Variants in LEKR1 observed in about 807,000 individuals in gnomAD.
LEKR1 encodes leucine, glutamate and lysine rich 1, also known as protein LEKR1.
Under a neutral mutation model 72.4 loss-of-function variants are expected in LEKR1, and 59 were observed. That is an observed-to-expected ratio of 0.82 (90% CI 0.66 to 1.01). The LOEUF (loss-of-function observed/expected upper bound fraction) is 1.01. Among genes scored for constraint, LEKR1 ranks in the 50% least tolerant of loss-of-function variants. The probability of loss-of-function intolerance (pLI) is 0.00; values close to 1 mark genes in which losing one functional copy is unlikely to be tolerated. For synonymous variants in LEKR1, 257 were observed against 263.2 expected (o/e 0.98, Z 0.23); for missense variants, 728 against 759.2 (o/e 0.96, Z 0.48).
intron 9 of LEKR1, among the ~76,000 whole-genome samples, chr3:156,997,407 A>C (rs1243059342): frequency 6.6e-6 from 1 of 152,222 alleles, no homozygotes; most frequent in Non-Finnish European, 1.5e-5. Flanking sequence ...AGGTGTGAAC[A>C]TCCCTCCAAA....
At chr3:156,919,242 C>A (rs1241911060) in intron 3 of LEKR1, among the ~76,000 whole-genome samples, 1 of 152,182 alleles carries the variant, frequency 6.6e-6, no homozygotes, top group South Asian at 2.1e-4. Flanking sequence ...TTCCCCCCAG[C>A]AATTATGAAG....
chr3:156,897,715 G>A (rs908635959), intron 3 of LEKR1, among the ~76,000 whole-genome samples: 1 of 152,188 alleles, frequency 6.6e-6, no homozygotes, highest in Non-Finnish European at 1.5e-5. Flanking sequence ...CACTTTGGGA[G>A]GCCAAGGCAG....
chr3:156,888,401 T>A, intron 3 of LEKR1: 1 of 697,866 alleles, frequency 1.4e-6, no homozygotes, highest in South Asian at 1.5e-5. Context: ...TACATAGGTC[T>A]GTGATTTGTT....
intron 10 of LEKR1, 73 bp downstream of exon 10, chr3:157,011,579 C>A (rs2108023094): frequency 1.0e-6 from 1 of 999,550 alleles, no homozygotes; most frequent in Non-Finnish European, 1.6e-6. Context: ...TGTCAGAAGA[C>A]TCTTCCGGAT....
At chr3:156,961,560 G>A (rs1046185292) in intron 6 of LEKR1, among the ~76,000 whole-genome samples, 2 of 152,260 alleles carry the variant, frequency 1.3e-5, no homozygotes, top group African/African-American at 4.8e-5. Context: ...TTTCACTTAG[G>A]ATAATGTTTG....
chr3:156,938,303 C>T (rs1725899726), intron 5 of LEKR1, among the ~76,000 whole-genome samples: 2 of 151,976 alleles, frequency 1.3e-5, no homozygotes, highest in African/African-American at 4.8e-5. Flanking sequence ...TGAATAGGAA[C>T]TCCCTACACA....
intron 6 of LEKR1, among the ~76,000 whole-genome samples, chr3:156,947,190 G>T (rs1216792904): frequency 1.3e-5 from 2 of 150,828 alleles, no homozygotes; most frequent in African/African-American, 2.4e-5. Flanking sequence ...AAGATGCATT[G>T]TTATGTTGAT....
intron 10 of LEKR1, among the ~76,000 whole-genome samples, chr3:157,015,777 A>C (rs1430774765): frequency 6.6e-6 from 1 of 152,212 alleles, no homozygotes; most frequent in African/African-American, 2.4e-5. Context: ...GAGAATTAGC[A>C]GAAAAGACAT....
chr3:156,953,760 A>G (rs1012491435), intron 6 of LEKR1, among the ~76,000 whole-genome samples: 10 of 151,610 alleles, frequency 6.6e-5, no homozygotes, highest in Non-Finnish European at 1.3e-4. Flanking sequence ...TCTTTATTTA[A>G]TCTATCATTG....
At chr3:156,974,157 G>A (rs537561109) in intron 6 of LEKR1, among the ~76,000 whole-genome samples, 6 of 152,166 alleles carry the variant, frequency 3.9e-5, no homozygotes, top group Admixed American at 3.3e-4. Flanking sequence ...AGTAAAATGT[G>A]GTATGTGCAC....
chr3:157,007,642 A>G (rs1337276350), intron 9 of LEKR1, among the ~76,000 whole-genome samples: 1 of 152,248 alleles, frequency 6.6e-6, no homozygotes, highest in Non-Finnish European at 1.5e-5. Flanking sequence ...TACCAATTCT[A>G]AGCAGAAACT....
At chr3:156,867,605 G>A (rs946047786) in intron 3 of LEKR1, among the ~76,000 whole-genome samples, 4 of 151,634 alleles carry the variant, frequency 2.6e-5, no homozygotes, top group African/African-American at 4.8e-5. Flanking sequence ...TGTTACCTCC[G>A]GTTACTCCAG....
chr3:156,920,468 T>C, intron 3 of LEKR1, 107 bp from the exon 4 acceptor site: 1 of 689,156 alleles, frequency 1.5e-6, no homozygotes, highest in Non-Finnish European at 2.3e-6. Flanking sequence ...ATAAGAGACA[T>C]AGTTTCTTCT....
At chr3:157,022,426 T>C (rs529594397) in intron 10 of LEKR1, among the ~76,000 whole-genome samples, 12 of 152,226 alleles carry the variant, frequency 7.9e-5, no homozygotes, top group South Asian at 4.1e-4. Context: ...AACTAGGTGA[T>C]CAGGAAGTGC....
At chr3:156,957,561 A>G (rs59980662) in intron 6 of LEKR1, among the ~76,000 whole-genome samples, 7,036 of 152,018 alleles carry the variant, frequency 0.046, 584 homozygotes, top group African/African-American at 0.16. Context: ...AAAACAATAC[A>G]GTACTGTAAT....
At chr3:156,882,532 G>C (rs904053184) in intron 3 of LEKR1, among the ~76,000 whole-genome samples, 104 of 152,122 alleles carry the variant, frequency 6.8e-4, no homozygotes, top group African/African-American at 1.1e-3. Flanking sequence ...GGAGAAATAG[G>C]AACACTTTTA....
intron 10 of LEKR1, among the ~76,000 whole-genome samples, chr3:157,024,012 GTAT>G (rs769746283): frequency 1.3e-5 from 2 of 152,172 alleles, no homozygotes; most frequent in Non-Finnish European, 2.9e-5. Flanking sequence ...ACACTGTACA[GTAT>G]CAGCTGTTTG....
chr3:156,954,052 ACC>A, intron 6 of LEKR1, among the ~76,000 whole-genome samples: 1 of 151,818 alleles, frequency 6.6e-6, no homozygotes, highest in Non-Finnish European at 1.5e-5. Context: ...TTTAATAATC[ACC>A]ATTCTGACTG....
intron 3 of LEKR1, among the ~76,000 whole-genome samples, chr3:156,918,588 T>C (rs969810590): frequency 6.6e-6 from 1 of 152,136 alleles, no homozygotes; most frequent in African/African-American, 2.4e-5. Flanking sequence ...TGATTACCAA[T>C]GCATTTGTTT....
Sources: gnomAD v4.1 joint callset for allele counts (sites outside exome capture counted in the v4.1 genomes callset) on GRCh38, gnomAD v4.1.1 for gene constraint, MANE v1.5 for transcripts, NCBI Gene and HGNC (gene_info 2026-07-23, HGNC 2026-07-21) for gene names.